Variants in KLHL20 observed in about 807,000 individuals in gnomAD.
The protein encoded by KLHL20 is kelch-like protein 20.
Under a neutral mutation model 69.5 loss-of-function variants are expected in KLHL20, and 29 were observed. The ratio of observed to expected loss-of-function variants is 0.42; its 90% CI spans 0.31 to 0.57. KLHL20 has a LOEUF of 0.57. Among genes scored for constraint, KLHL20 ranks in the 20% least tolerant of loss-of-function variants. The pLI, the probability that KLHL20 is intolerant of heterozygous loss-of-function variation, is 0.18. For synonymous variants in KLHL20, 253 were observed against 265.2 expected, an observed-to-expected ratio of 0.95 and a Z score of 0.45; for missense variants, 419 against 776.0, an observed-to-expected ratio of 0.54 and a Z score of 5.47.
chr1:173,772,543 C>T (rs1157783550), intron 8 of KLHL20, among the ~76,000 whole-genome samples: 2 of 152,090 alleles, frequency 1.3e-5, no homozygotes, highest in Non-Finnish European at 2.9e-5. Flanking sequence ...CTTATAAGAA[C>T]TGTATTATTA....
intron 2 of KLHL20, among the ~76,000 whole-genome samples, chr1:173,725,582 G>T (rs1671916598): frequency 6.6e-6 from 1 of 152,106 alleles, no homozygotes; most frequent in Non-Finnish European, 1.5e-5. Flanking sequence ...CCACCTTTTT[G>T]TCCAGAACCC....
In KLHL20 at chr1:173,751,754, CTT is replaced by C. The variant is rs1433671942; in HGVS notation, c.598-8_598-7del. On this transcript the variant is annotated splice_polypyrimidine_tract_variant and splice_region_variant and intron_variant, in intron 3 of 11. Coordinates refer to ENST00000209884, the MANE Select transcript of KLHL20 (RefSeq NM_014458.4). The stretch of plus-strand genomic sequence containing the variant: ...AGGATTTTTTTTTCTTCTTACCTAA[CTT>C]TGAACAGGTAATGGAGAGTGAAGAG... 3 of 1,612,356 alleles carry C rather than the reference CTT, an allele frequency of 1.9e-6. No homozygotes were observed. The highest frequency in any genetic ancestry group is 2.5e-6 in the Non-Finnish European group (3 of 1,179,044).
chr1:173,756,534 A>G (rs1395528724), intron 6 of KLHL20, among the ~76,000 whole-genome samples: 1 of 152,218 alleles, frequency 6.6e-6, no homozygotes, highest in African/African-American at 2.4e-5. Context: ...CTGTCTCAAA[A>G]AATAAAAAAT....
At chr1:173,717,442 G>T (rs1038370060) in intron 2 of KLHL20, among the ~76,000 whole-genome samples, 1 of 152,158 alleles carries the variant, frequency 6.6e-6, no homozygotes, top group Non-Finnish European at 1.5e-5. Context: ...CTTGGCCAGA[G>T]CCTAGCCTAC....
At chr1:173,718,069 A>G (rs1043195140) in intron 2 of KLHL20, among the ~76,000 whole-genome samples, 2 of 152,130 alleles carry the variant, frequency 1.3e-5, no homozygotes, top group African/African-American at 4.8e-5. Flanking sequence ...ACAAATGTAT[A>G]TAAGATGTCT....
chr1:173,780,522 T>G (rs1648792811), intron 10 of KLHL20, among the ~76,000 whole-genome samples: 1 of 152,234 alleles, frequency 6.6e-6, no homozygotes, highest in Non-Finnish European at 1.5e-5. Context: ...GGCTCATGCC[T>G]GTAATCCCAG....
chr1:173,766,371 G>T lies in KLHL20; in HGVS notation c.1295+82G>T, dbSNP rs199595654. ...TTAAAAGAAAAACTACAGGTTGGGC[G>T]TGGTGGCTCACACCTGTAATCCTAG... On this transcript the variant is annotated intron_variant, in intron 8 of 11. Coordinates refer to ENST00000209884, the MANE Select transcript of KLHL20 (RefSeq NM_014458.4). The T allele has an allele frequency of 2.6e-5, 34 of 1,315,438 alleles. No homozygotes were observed. In the East Asian group the frequency reaches 7.5e-4, roughly 29 times the overall value. The allele number at this position is 1,315,438 out of a possible 1,614,324, so 81.5% of individuals were successfully genotyped here.
intron 3 of KLHL20, among the ~76,000 whole-genome samples, chr1:173,745,707 C>A (rs1257402341): frequency 1.3e-5 from 2 of 151,946 alleles, no homozygotes; most frequent in South Asian, 4.2e-4. Flanking sequence ...TAATTGTTTT[C>A]TTTTGTCTAG....
At chr1:173,721,265 T>G (rs180756100) in intron 2 of KLHL20, among the ~76,000 whole-genome samples, 2 of 152,318 alleles carry the variant, frequency 1.3e-5, no homozygotes, top group East Asian at 3.9e-4. Context: ...AAATTTCCAA[T>G]CTCGTATCTT....
chr1:173,729,376 G>A (rs189325361), intron 2 of KLHL20, among the ~76,000 whole-genome samples: 241 of 152,264 alleles, frequency 1.6e-3, no homozygotes, highest in Middle Eastern at 0.01. Context: ...CATTTCACGA[G>A]GCCAGCATCA....
Position 173,734,455 on chromosome 1 carries a change from T to A in KLHL20, c.597+169T>A, listed in dbSNP as rs1427133492. 5 of 652,664 alleles carry A rather than the reference T, an allele frequency of 7.7e-6. No homozygotes were observed. In the African/African-American group the frequency reaches 9.1e-5, roughly 12 times the overall value. The allele number at this position is 652,664 out of a possible 1,614,324, so 40.4% of individuals were successfully genotyped here. A position where few individuals can be genotyped will look rare whatever the true frequency, so the allele number is the denominator to read the frequency against. On this transcript the variant is annotated intron_variant, in intron 3 of 11. Transcript: ENST00000209884. ...TGGCTTTTATTTTAGAGGGCAATTT[T>A]GTGTTCTACCAGCAAGTTAAGATTT...
chr1:173,734,149 C>G lies in KLHL20; in HGVS notation c.460C>G (p.Gln154Glu), dbSNP rs1450514913. The G allele has an allele frequency of 6.2e-7, 1 of 1,614,220 alleles. No individual in the cohort carries two copies. Among genetic ancestry groups the G allele is most frequent in the East Asian group, 2.2e-5 (1 of 44,886 alleles). The change falls in exon 3 of 12, where the codon CAG (glutamine) becomes GAG (glutamate). Residue 154 changes from glutamine (Q) to glutamate (E), a missense_variant. Coordinates refer to ENST00000209884, the MANE Select transcript of KLHL20 (RefSeq NM_014458.4). Reference sequence around the variant, plus strand: ...TTGCCTCCTCCAGCTGGCAGAAATACAGGAAGCCTGCTGTGAATTCTTAAA... The same window carrying G: ...TTGCCTCCTCCAGCTGGCAGAAATAGAGGAAGCCTGCTGTGAATTCTTAAA... ...AACLLQLAEI[Q>E]EACCEFLKRQ...
At chr1:173,757,206 T>G in intron 7 of KLHL20, 47 bp downstream of exon 7, 1 of 1,471,678 alleles carries the variant, frequency 6.8e-7, no homozygotes, top group Non-Finnish European at 9.2e-7. Context: ...TCATATAGTT[T>G]TATTTGAGAT....
intron 6 of KLHL20, among the ~76,000 whole-genome samples, chr1:173,756,625 T>C (rs1303828296): frequency 6.6e-6 from 1 of 152,234 alleles, no homozygotes; most frequent in Admixed American, 6.5e-5. Flanking sequence ...CATCCCATAA[T>C]CACATGGAAT....
At chr1:173,782,683 T>C (rs1240987197) in intron 11 of KLHL20, among the ~76,000 whole-genome samples, 1 of 152,160 alleles carries the variant, frequency 6.6e-6, no homozygotes, top group Non-Finnish European at 1.5e-5. Flanking sequence ...ATTTGAAAAA[T>C]AATATTTCAT....
intron 5 of KLHL20, among the ~76,000 whole-genome samples, 172 bp downstream of exon 5, chr1:173,753,479 G>C (rs1338885660): frequency 6.6e-6 from 1 of 152,224 alleles, no homozygotes; most frequent in African/African-American, 2.4e-5. Context: ...GAAGAAGAGA[G>C]AACTGAACTT....
intron 2 of KLHL20, among the ~76,000 whole-genome samples, chr1:173,725,213 C>G (rs903794265): frequency 1.3e-5 from 2 of 152,190 alleles, no homozygotes; most frequent in Non-Finnish European, 2.9e-5. Flanking sequence ...AAACTCTTCC[C>G]TCTCCTTGCC....
chr1:173,727,518 C>A (rs1033215109), intron 2 of KLHL20, among the ~76,000 whole-genome samples: 1 of 152,138 alleles, frequency 6.6e-6, no homozygotes, highest in Non-Finnish European at 1.5e-5. Flanking sequence ...AGGTAACCCA[C>A]AAAGGGAAGC....
chr1:173,781,536 G>A (rs1389840884), intron 10 of KLHL20, among the ~76,000 whole-genome samples: 1 of 152,084 alleles, frequency 6.6e-6, no homozygotes, highest in Non-Finnish European at 1.5e-5. Context: ...GGCCTGTCTC[G>A]AACTCCTGGG....
Sources: gnomAD v4.1 joint callset for allele counts (sites outside exome capture counted in the v4.1 genomes callset) on GRCh38, gnomAD v4.1.1 for gene constraint, MANE v1.5 for transcripts, NCBI Gene and HGNC (gene_info 2026-07-23, HGNC 2026-07-21) for gene names.